CAP2: variants seen among roughly 807,000 people sequenced by gnomAD.
CAP2 encodes the protein adenylyl cyclase-associated protein 2.
In CAP2, 24 loss-of-function variants were observed where a neutral mutation model predicts 57.7. The observed-to-expected ratio is 0.42, with a 90% CI of 0.30 to 0.58. The LOEUF (loss-of-function observed/expected upper bound fraction) is 0.58, where lower values mean the gene tolerates loss of function less well. Ranked by LOEUF, CAP2 falls within the 20% of genes least tolerant of loss-of-function variation. The pLI is 0.22. For synonymous variants in CAP2, 194 were observed against 207.2 expected, an observed-to-expected ratio of 0.94 and a Z score of 0.55; for missense variants, 501 against 590.3, an observed-to-expected ratio of 0.85 and a Z score of 1.57.
intron 7 of CAP2, among the ~76,000 whole-genome samples, chr6:17,514,572 A>C (rs1232216700): frequency 1.3e-5 from 2 of 152,090 alleles, no homozygotes; most frequent in Non-Finnish European, 2.9e-5. Context: ...CAACATAGTG[A>C]AACCCCATCT....
chr6:17,461,820 G>A (rs186617084), intron 3 of CAP2, among the ~76,000 whole-genome samples: 7 of 149,522 alleles, frequency 4.7e-5, no homozygotes, highest in East Asian at 2.0e-4. Context: ...GTGAAACCCC[G>A]TCTCTACTAA....
At chr6:17,498,227 G>A (rs879519968) in intron 4 of CAP2, among the ~76,000 whole-genome samples, 3 of 152,196 alleles carry the variant, frequency 2.0e-5, no homozygotes, top group Non-Finnish European at 4.4e-5. Context: ...CAAAGACAAA[G>A]AATAGTAAGT....
intron 3 of CAP2, among the ~76,000 whole-genome samples, chr6:17,451,291 T>G (rs1760396254): frequency 6.6e-6 from 1 of 152,140 alleles, no homozygotes; most frequent in African/African-American, 2.4e-5. Context: ...GTGAAAATGT[T>G]TCTTGTGTTT....
chr6:17,394,649 A>G (rs1201085611), intron 1 of CAP2, among the ~76,000 whole-genome samples: 1 of 152,218 alleles, frequency 6.6e-6, no homozygotes, highest in Non-Finnish European at 1.5e-5. Flanking sequence ...GGACTTGAGC[A>G]CTGTAGTTTA....
rs75982837 is a variant in CAP2, at chr6:17,541,074, C to A, written c.928C>A (p.Pro310Thr). The A allele has an allele frequency of 0.01, 16,180 of 1,613,956 alleles. 538 individuals are homozygous for A. The East Asian group carries it at 0.12, about 12-fold the overall frequency. ...QSPTKSHTPS[P>T]TSPKSYPSQK... ...TCCCACCAAAAGTCACACTCCAAGT[C>A]CCACATCTCCTAAATCTTATCCTTC... The change falls in exon 9 of 13, where the codon CCC (proline) becomes ACC (threonine). Residue 310 changes from proline to threonine, a missense_variant. Transcript: ENST00000229922.
intron 12 of CAP2, among the ~76,000 whole-genome samples, chr6:17,553,220 G>A (rs1030586409): frequency 3.3e-5 from 5 of 152,200 alleles, no homozygotes; most frequent in African/African-American, 4.8e-5. Flanking sequence ...ATCTATGGGC[G>A]TGGGACCCAG....
chr6:17,411,055 T>G (rs1026015505), intron 1 of CAP2, among the ~76,000 whole-genome samples: 6 of 152,142 alleles, frequency 3.9e-5, no homozygotes, highest in Non-Finnish European at 5.9e-5. Context: ...ATACACAGTC[T>G]TCTTGTCTGA....
intron 9 of CAP2, among the ~76,000 whole-genome samples, chr6:17,542,471 T>C (rs1393349762): frequency 6.6e-6 from 1 of 152,180 alleles, no homozygotes; most frequent in Non-Finnish European, 1.5e-5. Context: ...ACCACTGCTG[T>C]GACCCTTCAC....
rs1344511228 is a variant in CAP2, at chr6:17,556,514, C to T, written c.*72C>T. ...CAAACAAAAAAGCAGCAGTAAAGAG[C>T]TAGAAGTTGCAGTAGCCCCTACTGC... On this transcript the variant is annotated 3_prime_UTR_variant, in exon 13 of 13. Coordinates refer to ENST00000229922, the MANE Select transcript of CAP2 (RefSeq NM_006366.3). 2 of 1,096,348 alleles carry T rather than the reference C, an allele frequency of 1.8e-6. No homozygotes were observed. The highest frequency in any genetic ancestry group is 3.1e-5 in the African/African-American group (2 of 65,128). 67.9% of individuals were successfully genotyped at this position (1,096,348 alleles called of 1,614,324 possible). A position where few individuals can be genotyped will look rare whatever the true frequency, so the allele number is the denominator to read the frequency against.
At chr6:17,528,286 C>T (rs867885050) in intron 7 of CAP2, among the ~76,000 whole-genome samples, 14 of 152,096 alleles carry the variant, frequency 9.2e-5, no homozygotes, top group African/African-American at 1.7e-4. Context: ...GTTTATGGGA[C>T]GAAACCCCAT....
At chr6:17,458,961 A>G (rs1760652909) in intron 3 of CAP2, among the ~76,000 whole-genome samples, 1 of 151,964 alleles carries the variant, frequency 6.6e-6, no homozygotes, top group Non-Finnish European at 1.5e-5. Context: ...CATAACCTAA[A>G]GCAATACATT....
At chr6:17,437,830 T>A (rs1214966541) in intron 3 of CAP2, among the ~76,000 whole-genome samples, 1 of 152,004 alleles carries the variant, frequency 6.6e-6, no homozygotes, top group African/African-American at 2.4e-5. Flanking sequence ...TGAACAGAGA[T>A]CACGCCACTG....
chr6:17,446,863 G>GAC (rs1760270861), intron 3 of CAP2, among the ~76,000 whole-genome samples: 1 of 152,206 alleles, frequency 6.6e-6, no homozygotes, highest in African/African-American at 2.4e-5. Context: ...TTGGCTGCAG[G>GAC]GCACCCTAGT....
At chr6:17,403,927 G>GCAACTATTC (rs1758879363) in intron 1 of CAP2, among the ~76,000 whole-genome samples, 2 of 152,146 alleles carry the variant, frequency 1.3e-5, no homozygotes, top group Non-Finnish European at 2.9e-5. Flanking sequence ...ACATTTTGGT[G>GCAACTATTC]ACAGTTGCTA....
At chr6:17,455,599 A>C (rs1052632929) in intron 3 of CAP2, among the ~76,000 whole-genome samples, 4 of 151,116 alleles carry the variant, frequency 2.6e-5, no homozygotes, top group African/African-American at 9.8e-5. Context: ...GCAGTGGTGC[A>C]ATCTCAGCTC....
intron 7 of CAP2, chr6:17,536,209 C>T (rs1762770110): frequency 2.2e-6 from 1 of 456,590 alleles, no homozygotes; most frequent in Admixed American, 2.3e-5. Flanking sequence ...ATAGAAAGTT[C>T]TCCTGTCATG....
rs561091557 is a variant in CAP2, at chr6:17,513,589, G to A, written c.531-260G>A. Among the ~76,000 whole-genome samples, 72 of 152,068 alleles carry A rather than the reference G, an allele frequency of 4.7e-4. No individual in the cohort carries two copies. The South Asian group carries it at 0.014, about 29-fold the overall frequency. ...CTACTCAAGTCAGCTTAGCTCTGTCGGGTCCCCTCTCTGTGGTACCTCTGC... is the reference window on the plus strand; with the variant it reads ...CTACTCAAGTCAGCTTAGCTCTGTCAGGTCCCCTCTCTGTGGTACCTCTGC... On this transcript the variant is annotated intron_variant, in intron 6 of 12. Coordinates refer to ENST00000229922, the MANE Select transcript of CAP2 (RefSeq NM_006366.3). This position sits in a 1 kb window ranked among gnomAD's most constrained non-coding sequence, Gnocchi z 4.3.
At chr6:17,406,394 A>ATTTTTTTTTTTTTTTTTTTTTTTTT (rs1335180213) in intron 1 of CAP2, among the ~76,000 whole-genome samples, 4 of 91,912 alleles carry the variant, frequency 4.4e-5, no homozygotes, top group African/African-American at 2.4e-4. Flanking sequence ...GTAAGCCCAG[A>ATTTTTTTTTTTTTTTTTTTTTTTTT]TTTCTTTTTT....
intron 4 of CAP2, among the ~76,000 whole-genome samples, chr6:17,464,455 C>CGG (rs1365749251): frequency 1.7e-4 from 26 of 152,062 alleles, no homozygotes; most frequent in Non-Finnish European, 2.9e-5. Context: ...GAGGCAAGAC[C>CGG]AGAGACCTGA....
Sources: gnomAD v4.1 joint callset for allele counts (sites outside exome capture counted in the v4.1 genomes callset) on GRCh38, gnomAD v4.1.1 for gene constraint, Gnocchi (gnomAD v3.1) non-coding constraint, MANE v1.5 for transcripts, NCBI Gene and HGNC (gene_info 2026-07-23, HGNC 2026-07-21) for gene names.